Variants in GSE1 observed in about 807,000 individuals in gnomAD.
GSE1 encodes genetic suppressor element 1.
In GSE1, 32 loss-of-function variants were observed where a neutral mutation model predicts 112.6. That is an observed-to-expected ratio of 0.28 (90% confidence interval 0.21 to 0.38). The LOEUF (loss-of-function observed/expected upper bound fraction) is 0.38, where lower values mean the gene tolerates loss of function less well. Ranked by LOEUF, GSE1 falls within the 10% of genes least tolerant of loss-of-function variation. GSE1 has a pLI of 1.00. For synonymous variants in GSE1, 1,115 were observed against 735.6 expected (o/e 1.52, Z -8.35); for missense variants, 2,348 against 1,699.2 (o/e 1.38, Z -6.71).
Position 85,172,136 on chromosome 16 carries a change from G to A in GSE1, c.2283+329G>A, listed in dbSNP as rs149344923. 4.3e-3 allele frequency among the ~76,000 whole-genome samples: 658 copies of A among 152,278 alleles called. 3 individuals are homozygous for A. The highest frequency in any genetic ancestry group is 6.7e-3 in the Non-Finnish European group (455 of 68,016). On this transcript the variant is annotated intron_variant, in intron 1 of 2. Transcript: ENST00000637419. ...GGGATCTATCAAACAGAGGAAGTTC[G>A]GGGCATGTCTGTCATCCGCCTGATA...
intron 2 of GSE1, among the ~76,000 whole-genome samples, chr16:85,426,185 GGATA>G (rs1253557025): frequency 1.9e-5 from 2 of 105,024 alleles, no homozygotes; most frequent in African/African-American, 7.0e-5. Context: ...GATGTATAGT[GGATA>G]GATGGATGGC....
intron 1 of GSE1, among the ~76,000 whole-genome samples, chr16:85,568,800 C>G (rs1197646372): frequency 6.6e-6 from 1 of 152,200 alleles, no homozygotes; most frequent in African/African-American, 2.4e-5. Context: ...GAGCAGAAAT[C>G]AGAGGGTTCT....
intron 2 of GSE1, among the ~76,000 whole-genome samples, chr16:85,491,799 C>G (rs1270431855): frequency 6.6e-6 from 1 of 152,176 alleles, no homozygotes; most frequent in Non-Finnish European, 1.5e-5. Flanking sequence ...TGACACTGGG[C>G]CTGGCTGGAT....
intron 1 of GSE1, among the ~76,000 whole-genome samples, chr16:85,323,565 G>A (rs978426584): frequency 2.0e-5 from 3 of 152,166 alleles, no homozygotes; most frequent in African/African-American, 7.2e-5. Flanking sequence ...GGGAGGTGAG[G>A]TGGGGCATGA....
At chr16:85,338,753 G>A (rs2046558934) in intron 1 of GSE1, among the ~76,000 whole-genome samples, 1 of 151,868 alleles carries the variant, frequency 6.6e-6, no homozygotes, top group Non-Finnish European at 1.5e-5. Flanking sequence ...CCATTTTACA[G>A]ATGAGGAAGC....
rs749404207 is a variant in GSE1, at chr16:85,368,021, G to T, written c.2464+10378G>T. Among the ~76,000 whole-genome samples, 35 of 151,800 alleles carry T rather than the reference G, an allele frequency of 2.3e-4. 1 individual carries two copies. The highest frequency in any genetic ancestry group is 5.2e-4 in the Admixed American group (8 of 15,244). Reference sequence around the variant, plus strand: ...TGTGCCACCAAGCCCGGCTAATTGTGTTTTGTATTTTTAGTAGAGACGGGG... The same window carrying T: ...TGTGCCACCAAGCCCGGCTAATTGTTTTTTGTATTTTTAGTAGAGACGGGG... On this transcript the variant is annotated intron_variant, in intron 2 of 2. Coordinates refer to the GSE1 transcript ENST00000637419.
chr16:85,332,912 C>T (rs904167384), intron 1 of GSE1, among the ~76,000 whole-genome samples: 1 of 152,098 alleles, frequency 6.6e-6, no homozygotes. Context: ...CCTTTATCCC[C>T]TGTACCAGCC....
chr16:85,598,272 C>G (rs1463072855), intron 1 of GSE1, among the ~76,000 whole-genome samples: 1 of 149,862 alleles, frequency 6.7e-6, no homozygotes, highest in Non-Finnish European at 1.5e-5. Context: ...CTCTCTGGGA[C>G]CCCATGTGCT....
At position 85,270,177 on chromosome 16, in the gene GSE1, C is replaced by T. The variant is rs542806898; in HGVS notation, c.2284-87286C>T. ...GACAGACGCTCAGTGGTAACCTCCC[C>T]GGGCCATCGGCTTCCTGAGCAGATC... On this transcript the variant is annotated intron_variant, in intron 1 of 2. Coordinates refer to the GSE1 transcript ENST00000637419. Among the ~76,000 whole-genome samples the T allele has an allele frequency of 2.3e-4, 35 of 148,954 alleles. 3 individuals carry two copies. The highest frequency in any genetic ancestry group is 8.7e-4 in the Admixed American group (13 of 14,918).
At chr16:85,245,021 G>T (rs984984576) in intron 1 of GSE1, among the ~76,000 whole-genome samples, 1 of 151,380 alleles carries the variant, frequency 6.6e-6, no homozygotes. Context: ...TTTTTTCCGA[G>T]TGTGGTGGCA....
At chr16:85,321,368 G>C (rs2046103843) in intron 1 of GSE1, among the ~76,000 whole-genome samples, 1 of 152,206 alleles carries the variant, frequency 6.6e-6, no homozygotes, top group Non-Finnish European at 1.5e-5. Flanking sequence ...CCCCTCTTCT[G>C]CCTGAGCTGG....
At chr16:85,525,038 C>T (rs1444201770) in intron 2 of GSE1, among the ~76,000 whole-genome samples, 2 of 152,188 alleles carry the variant, frequency 1.3e-5, no homozygotes, top group Non-Finnish European at 2.9e-5. Flanking sequence ...ACTGGCTGCC[C>T]GCAGCCTCTG....
At chr16:85,610,311 G>A (rs2047908893), upstream of GSE1, among the ~76,000 whole-genome samples, 1 of 152,244 alleles carries the variant, frequency 6.6e-6, no homozygotes, top group South Asian at 2.1e-4. Flanking sequence ...GGGAGTGGAG[G>A]GTGGGAAGGA....
intron 1 of GSE1, chr16:85,582,297 G>C (rs922706020): frequency 1.3e-5 from 2 of 152,280 alleles, no homozygotes; most frequent in African/African-American, 4.8e-5. Context: ...CCAGTATTCA[G>C]TGTGACCTTG....
intron 2 of GSE1, among the ~76,000 whole-genome samples, chr16:85,434,344 T>TC (rs200882427): frequency 0.018 from 2,562 of 138,590 alleles, 75 homozygotes; most frequent in African/African-American, 0.061. Context: ...ATAATAATAA[T>TC]AATCAGTGCC....
chr16:85,379,103 A>G (rs916534274), intron 2 of GSE1, among the ~76,000 whole-genome samples: 6 of 151,680 alleles, frequency 4.0e-5, no homozygotes. Context: ...ATCTCCCTGC[A>G]CTCTCCCCAG....
At chr16:85,546,971 A>AAT (rs1672338898) in intron 2 of GSE1, among the ~76,000 whole-genome samples, 1 of 152,176 alleles carries the variant, frequency 6.6e-6, no homozygotes, top group Admixed American at 6.6e-5. Flanking sequence ...CTGGCTGGTA[A>AAT]ATGTGTGTCA....
At chr16:85,658,655 G>A (rs77105340) in intron 8 of GSE1, among the ~76,000 whole-genome samples, 2,832 of 152,224 alleles carry the variant, frequency 0.019, 56 homozygotes, top group Admixed American at 0.048. Flanking sequence ...TGCCCGGCAC[G>A]GCCGAAGTGA....
At chr16:85,530,219 C>G (rs981091374) in intron 2 of GSE1, among the ~76,000 whole-genome samples, 4 of 152,178 alleles carry the variant, frequency 2.6e-5, no homozygotes, top group African/African-American at 9.7e-5. Context: ...AAGCTCCTAA[C>G]GATATTGATC....
Sources: gnomAD v4.1 joint callset for allele counts (sites outside exome capture counted in the v4.1 genomes callset) on GRCh38, gnomAD v4.1.1 for gene constraint, MANE v1.5 for transcripts, NCBI Gene and HGNC (gene_info 2026-07-23, HGNC 2026-07-21) for gene names.